The following ADGRL3 variants were observed in gnomAD, a reference collection of about 807,000 sequenced individuals.
The protein encoded by ADGRL3 is adhesion G protein-coupled receptor L3.
In ADGRL3, 62 loss-of-function variants were observed where a neutral mutation model predicts 153.5. The observed-to-expected ratio is 0.40, with a 90% CI of 0.33 to 0.50. The LOEUF (loss-of-function observed/expected upper bound fraction) is 0.50, where lower values mean the gene tolerates loss of function less well. Among genes scored for constraint, ADGRL3 ranks in the 20% least tolerant of loss-of-function variants. The probability of loss-of-function intolerance (pLI) is 0.47; values close to 1 mark genes in which losing one functional copy is unlikely to be tolerated. For missense variants in ADGRL3, 1,641 were observed against 1,859.4 expected, an observed-to-expected ratio of 0.88 and a Z score of 2.16; for synonymous variants, 710 against 672.5, an observed-to-expected ratio of 1.06 and a Z score of -0.86.
chr4:61,716,559 G>C (rs74393135), intron 6 of ADGRL3, among the ~76,000 whole-genome samples: 1 of 152,040 alleles, frequency 6.6e-6, no homozygotes, highest in Non-Finnish European at 1.5e-5. Context: ...TTAATCTATC[G>C]ATGTCATGGA....
At chr4:61,371,952 A>C (rs967763979) in intron 1 of ADGRL3, among the ~76,000 whole-genome samples, 1 of 151,606 alleles carries the variant, frequency 6.6e-6, no homozygotes, top group African/African-American at 2.4e-5. Context: ...TTTTCTCTAA[A>C]CTTCCGTTCT....
At chr4:61,896,153 G>A (rs1329385534) in intron 11 of ADGRL3, among the ~76,000 whole-genome samples, 1 of 152,048 alleles carries the variant, frequency 6.6e-6, no homozygotes. Context: ...GTATACTTAC[G>A]AGTTTTCTTG....
intron 17 of ADGRL3, among the ~76,000 whole-genome samples, 173 bp downstream of exon 17, chr4:61,948,449 T>C (rs998196449): frequency 6.6e-6 from 1 of 152,206 alleles, no homozygotes; most frequent in African/African-American, 2.4e-5. Flanking sequence ...TCAAAGAACT[T>C]GTTATCTCTT....
intron 5 of ADGRL3, among the ~76,000 whole-genome samples, chr4:61,645,488 C>CA (rs2093932407): frequency 6.6e-6 from 1 of 151,448 alleles, no homozygotes; most frequent in African/African-American, 2.4e-5. Flanking sequence ...CTGGTGGTGA[C>CA]AAAATCTCTC....
At chr4:61,768,958 G>C (rs897737848) in intron 8 of ADGRL3, among the ~76,000 whole-genome samples, 19 of 151,668 alleles carry the variant, frequency 1.3e-4, no homozygotes, top group Non-Finnish European at 5.9e-5. Context: ...GGGGCACAGA[G>C]ATAAGAGGTT....
chr4:61,869,990 GGGAGAGAGAGAGAGAGAGAGAA>G (rs1305610929), intron 9 of ADGRL3, among the ~76,000 whole-genome samples: 1 of 96,822 alleles, frequency 1.0e-5, no homozygotes, highest in Non-Finnish European at 2.2e-5. Context: ...GAGAGAGAGA[GGGAGAGAGAGAGAGAGAGAGAA>G]AGGAAAGAAA....
chr4:61,668,174 A>T (rs966632447), intron 5 of ADGRL3, among the ~76,000 whole-genome samples: 1 of 152,206 alleles, frequency 6.6e-6, no homozygotes, highest in African/African-American at 2.4e-5. Flanking sequence ...TTTAAGAGGG[A>T]CATAGGAAGA....
At chr4:61,503,926 C>T (rs1373987306) in intron 3 of ADGRL3, among the ~76,000 whole-genome samples, 1 of 151,858 alleles carries the variant, frequency 6.6e-6, no homozygotes, top group Non-Finnish European at 1.5e-5. Flanking sequence ...CTGGAGTTAC[C>T]CACTTAAATT....
intron 13 of ADGRL3, among the ~76,000 whole-genome samples, chr4:61,916,695 G>A (rs2098746630): frequency 6.6e-6 from 1 of 152,156 alleles, no homozygotes; most frequent in Non-Finnish European, 1.5e-5. Context: ...TTAATTTCCT[G>A]TAAACCCAGC....
intron 9 of ADGRL3, among the ~76,000 whole-genome samples, chr4:61,867,909 C>G (rs75554889): frequency 0.01 from 1,559 of 151,848 alleles, 28 homozygotes; most frequent in African/African-American, 0.036. Context: ...GATATAGTCC[C>G]CTAAGTGGGT....
At chr4:61,613,906 CAACTGTGAAG>C (rs1560936917) in intron 5 of ADGRL3, among the ~76,000 whole-genome samples, 1 of 151,986 alleles carries the variant, frequency 6.6e-6, no homozygotes, top group Non-Finnish European at 1.5e-5. Context: ...TGCAAGATTC[CAACTGTGAAG>C]AAAGAGGCAT....
intron 1 of ADGRL3, among the ~76,000 whole-genome samples, chr4:61,225,032 C>T (rs1485816703): frequency 1.3e-5 from 2 of 152,186 alleles, no homozygotes; most frequent in Non-Finnish European, 2.9e-5. Context: ...CCTTAATTCT[C>T]TTTTCTGGTC....
At chr4:61,827,942 TG>T (rs1197234366) in intron 9 of ADGRL3, among the ~76,000 whole-genome samples, 1 of 152,160 alleles carries the variant, frequency 6.6e-6, no homozygotes, top group Non-Finnish European at 1.5e-5. Context: ...CCTTTAGCCT[TG>T]TCTAAGTAAT....
At chr4:61,991,521 AAC>A (rs1313297052) in intron 19 of ADGRL3, among the ~76,000 whole-genome samples, 1 of 152,112 alleles carries the variant, frequency 6.6e-6, no homozygotes, top group East Asian at 1.9e-4. Flanking sequence ...AAATAAAGAC[AAC>A]ACAATCTATT....
At chr4:61,653,810 C>T (rs970663255) in intron 5 of ADGRL3, among the ~76,000 whole-genome samples, 1 of 152,180 alleles carries the variant, frequency 6.6e-6, no homozygotes, top group Non-Finnish European at 1.5e-5. Flanking sequence ...AAACCAATCA[C>T]AGTGACGAGG....
At chr4:61,319,950 T>C (rs932346603) in intron 1 of ADGRL3, among the ~76,000 whole-genome samples, 3 of 152,194 alleles carry the variant, frequency 2.0e-5, no homozygotes, top group African/African-American at 4.8e-5. Flanking sequence ...CCTAATATGA[T>C]TGTATTTGGA....
intron 1 of ADGRL3, among the ~76,000 whole-genome samples, chr4:61,206,677 T>C (rs576858365): frequency 1.3e-5 from 2 of 152,240 alleles, no homozygotes; most frequent in Non-Finnish European, 2.9e-5. Context: ...GTTACAGATA[T>C]CATAATCAAA....
intron 1 of ADGRL3, among the ~76,000 whole-genome samples, chr4:61,359,829 T>G (rs2096254758): frequency 6.6e-6 from 1 of 152,206 alleles, no homozygotes. Context: ...TGGAAACAGC[T>G]CAATACATTT....
chr4:62,040,192 CAG>C (rs1452903453), intron 24 of ADGRL3, among the ~76,000 whole-genome samples: 1 of 151,948 alleles, frequency 6.6e-6, no homozygotes, highest in Non-Finnish European at 1.5e-5. Flanking sequence ...ATACACAAAA[CAG>C]AATAAATAGT....
Sources: gnomAD v4.1 joint callset for allele counts (sites outside exome capture counted in the v4.1 genomes callset) on GRCh38, gnomAD v4.1.1 for gene constraint, MANE v1.5 for transcripts, NCBI Gene and HGNC (gene_info 2026-07-23, HGNC 2026-07-21) for gene names.